KSR2: variants seen among roughly 807,000 people sequenced by gnomAD.
KSR2 encodes the protein kinase suppressor of ras 2.
Under a neutral mutation model 107.8 loss-of-function variants are expected in KSR2, and 25 were observed. The observed-to-expected ratio is 0.23, with a 90% CI of 0.17 to 0.32. The LOEUF (loss-of-function observed/expected upper bound fraction) is 0.32, where lower values mean the gene tolerates loss of function less well. Ranked by LOEUF, KSR2 falls within the 10% of genes least tolerant of loss-of-function variation. The pLI, the probability that KSR2 is intolerant of heterozygous loss-of-function variation, is 1.00. For missense variants in KSR2, 887 were observed against 1,268.9 expected (o/e 0.70, Z 4.57); for synonymous variants, 480 against 507.0 (o/e 0.95, Z 0.71).
intron 5 of KSR2, among the ~76,000 whole-genome samples, chr12:117,610,747 A>AAG (rs1443609453): frequency 6.6e-6 from 1 of 151,624 alleles, no homozygotes; most frequent in East Asian, 1.9e-4. Context: ...TCAAAAAAAA[A>AAG]AAAAAAAACA....
intron 4 of KSR2, among the ~76,000 whole-genome samples, chr12:117,731,741 C>T (rs146876421): frequency 0.01 from 1,592 of 152,032 alleles, 13 homozygotes; most frequent in Middle Eastern, 0.027. Flanking sequence ...TTACCCCCAA[C>T]CCCGTGCTCT....
rs1266421720 is a variant in KSR2 at position 117,826,056 on chromosome 12, T to C, written c.472+29372A>G. 2.0e-5 allele frequency among the ~76,000 whole-genome samples: 3 copies of C among 151,346 alleles called. No homozygotes were observed. In the East Asian group the frequency reaches 5.8e-4, roughly 29 times the overall value. ...ATGGATGGATGGATGAATGGATGGA[T>C]AAATGCATGAATGGGTGGGTGTATG... On this transcript the variant is annotated intron_variant, in intron 3 of 19. Coordinates refer to ENST00000339824, the MANE Select transcript of KSR2 (RefSeq NM_173598.6).
intron 5 of KSR2, among the ~76,000 whole-genome samples, chr12:117,629,878 T>C (rs966400897): frequency 5.9e-5 from 9 of 152,212 alleles, no homozygotes; most frequent in Non-Finnish European, 1.2e-4. Flanking sequence ...AGAAGAGTTG[T>C]ACATATCCTC....
At chr12:117,486,196 C>T in intron 14 of KSR2, among the ~76,000 whole-genome samples, 1 of 152,112 alleles carries the variant, frequency 6.6e-6, no homozygotes, top group Non-Finnish European at 1.5e-5. Context: ...TGTGTAAACA[C>T]CAGTAATACC....
chr12:117,871,401 C>A (rs1426706830), intron 1 of KSR2, among the ~76,000 whole-genome samples: 1 of 152,124 alleles, frequency 6.6e-6, no homozygotes, highest in African/African-American at 2.4e-5. Context: ...GCAGCCTGGA[C>A]AACATGGTGA....
At chr12:117,760,548 T>C (rs1459098767) in intron 4 of KSR2, among the ~76,000 whole-genome samples, 1 of 152,182 alleles carries the variant, frequency 6.6e-6, no homozygotes, top group Non-Finnish European at 1.5e-5. Context: ...TACTAGAAAG[T>C]TGAAGGTTAA....
intron 1 of KSR2, among the ~76,000 whole-genome samples, chr12:117,885,061 C>T (rs1270326996): frequency 6.6e-6 from 1 of 152,164 alleles, no homozygotes; most frequent in Non-Finnish European, 1.5e-5. Context: ...ACTTCACCCA[C>T]CGGGGCCTCA....
chr12:117,468,589 A>G (rs1473125525), intron 19 of KSR2, among the ~76,000 whole-genome samples: 1 of 152,148 alleles, frequency 6.6e-6, no homozygotes, highest in African/African-American at 2.4e-5. Context: ...GCCTTGGGGA[A>G]CTTCATGGGA....
At chr12:117,524,545 T>C (rs1874977586) in intron 14 of KSR2, among the ~76,000 whole-genome samples, 1 of 152,058 alleles carries the variant, frequency 6.6e-6, no homozygotes, top group Admixed American at 6.6e-5. Flanking sequence ...CACACACCTG[T>C]AGCGCCAGCT....
At chr12:117,949,404 T>C (rs970599189) in intron 1 of KSR2, among the ~76,000 whole-genome samples, 5 of 152,108 alleles carry the variant, frequency 3.3e-5, no homozygotes, top group Non-Finnish European at 7.4e-5. Flanking sequence ...ACTCTTGACG[T>C]TCAACAGTAA....
chr12:117,870,465 T>C (rs1156470163), intron 1 of KSR2, among the ~76,000 whole-genome samples: 2 of 151,992 alleles, frequency 1.3e-5, no homozygotes, highest in Non-Finnish European at 1.5e-5. Flanking sequence ...CCGGGTGTGG[T>C]GGAACATGCC....
At chr12:117,593,687 G>A (rs1279338477) in intron 5 of KSR2, among the ~76,000 whole-genome samples, 2 of 152,234 alleles carry the variant, frequency 1.3e-5, no homozygotes, top group Admixed American at 6.5e-5. Context: ...ATCTTGCAGG[G>A]TTTACCTGAG....
intron 10 of KSR2, among the ~76,000 whole-genome samples, chr12:117,532,558 T>C (rs1875729016): frequency 6.6e-6 from 1 of 152,220 alleles, no homozygotes; most frequent in Non-Finnish European, 1.5e-5. Flanking sequence ...GATCAAGACA[T>C]GGACATCTTT....
At chr12:117,682,904 G>C (rs1885428775) in intron 4 of KSR2, among the ~76,000 whole-genome samples, 1 of 152,114 alleles carries the variant, frequency 6.6e-6, no homozygotes. Flanking sequence ...GAGGTTGGAG[G>C]GAGGGGACTC....
intron 14 of KSR2, among the ~76,000 whole-genome samples, chr12:117,502,068 G>T (rs1873410608): frequency 6.6e-6 from 1 of 152,196 alleles, no homozygotes; most frequent in South Asian, 2.1e-4. Flanking sequence ...CACTGTAACT[G>T]GATCAAAAGC....
Position 117,466,715 on chromosome 12 carries a change from A to G in KSR2, c.*484T>C, listed in dbSNP as rs1288355498. On this transcript the variant is annotated 3_prime_UTR_variant, in exon 20 of 20. Transcript: ENST00000339824. ...CCCTCCTCTTAGCTTCCCAGATGGTACAGCTGGAACCTACCACATACAGAC... is the reference window on the plus strand; with the variant it reads ...CCCTCCTCTTAGCTTCCCAGATGGTGCAGCTGGAACCTACCACATACAGAC... 1 of 154,702 alleles carries G rather than the reference A, an allele frequency of 6.5e-6. No individual in the cohort carries two copies. Among genetic ancestry groups the G allele is most frequent in the African/African-American group, 2.4e-5 (1 of 41,560 alleles). The allele number at this position is 154,702 out of a possible 1,614,324, so 9.6% of individuals were successfully genotyped here. A position where few individuals can be genotyped will look rare whatever the true frequency, so the allele number is the denominator to read the frequency against.
In KSR2 at chr12:117,458,732, G is replaced by C. The variant is rs936725270; in HGVS notation, c.*8467C>G. 6.6e-6 allele frequency: 1 copy of C among 152,230 alleles called. No homozygotes were observed. Among genetic ancestry groups the C allele is most frequent in the Non-Finnish European group, 1.5e-5 (1 of 68,048 alleles). The allele number at this position is 152,230 out of a possible 1,614,324, so 9.4% of individuals were successfully genotyped here. On this transcript the variant is annotated 3_prime_UTR_variant, in exon 20 of 20. Transcript: ENST00000339824. ...CTCTCAGCCACCGAGCTGGTGATTA[G>C]AGGTATTTCAAGAGCTCAGGAGTAG...
chr12:117,596,992 C>T (rs1278184423), intron 5 of KSR2, among the ~76,000 whole-genome samples: 1 of 152,194 alleles, frequency 6.6e-6, no homozygotes, highest in Non-Finnish European at 1.5e-5. Context: ...CTCTTCCATA[C>T]ACCGTTTTTG....
chr12:117,530,688 G>C (rs1053543798), intron 12 of KSR2, among the ~76,000 whole-genome samples: 11 of 152,182 alleles, frequency 7.2e-5, no homozygotes, highest in Admixed American at 6.5e-4. Flanking sequence ...GACAGGCAGG[G>C]TCAGAGACAC....
Sources: gnomAD v4.1 joint callset for allele counts (sites outside exome capture counted in the v4.1 genomes callset) on GRCh38, gnomAD v4.1.1 for gene constraint, MANE v1.5 for transcripts, NCBI Gene and HGNC (gene_info 2026-07-23, HGNC 2026-07-21) for gene names.